The following NEDD4L variants were observed in gnomAD, a reference collection of about 807,000 sequenced individuals.
The protein encoded by NEDD4L is NEDD4 like E3 ubiquitin protein ligase.
NEDD4L carries 54 observed loss-of-function variants against 148.9 expected under a neutral mutation model. The ratio of observed to expected loss-of-function variants is 0.36; its 90% CI spans 0.29 to 0.45. NEDD4L has a LOEUF of 0.45. Ranked by LOEUF, NEDD4L falls within the 20% of genes least tolerant of loss-of-function variation. The pLI is 1.00. For synonymous variants in NEDD4L, 433 were observed against 440.7 expected, an observed-to-expected ratio of 0.98 and a Z score of 0.22; for missense variants, 856 against 1,233.8, an observed-to-expected ratio of 0.69 and a Z score of 4.59.
At chr18:58,231,237 C>CAAAAAAAAAAA (rs67220469) in intron 2 of NEDD4L, among the ~76,000 whole-genome samples, 4 of 90,162 alleles carry the variant, frequency 4.4e-5, no homozygotes, top group South Asian at 3.6e-4. Context: ...GACCCTATCT[C>CAAAAAAAAAAA]AAAAAAAAAA....
chr18:58,197,931 G>A (rs1474005529), intron 2 of NEDD4L: 5 of 152,176 alleles, frequency 3.3e-5, no homozygotes, highest in Admixed American at 3.3e-4. Flanking sequence ...TCCAGTGGGT[G>A]GGGGTGGGGG....
intron 2 of NEDD4L, among the ~76,000 whole-genome samples, chr18:58,185,944 C>T (rs1243234415): frequency 6.6e-6 from 1 of 151,982 alleles, no homozygotes; most frequent in Non-Finnish European, 1.5e-5. Context: ...TTAGACCCAG[C>T]ACTCCCAGTT....
intron 1 of NEDD4L, among the ~76,000 whole-genome samples, chr18:58,119,631 T>G (rs1317762917): frequency 6.6e-6 from 1 of 152,240 alleles, no homozygotes; most frequent in Non-Finnish European, 1.5e-5. Flanking sequence ...AACAAGTGGA[T>G]TCAGCCAGCT....
intron 2 of NEDD4L, among the ~76,000 whole-genome samples, chr18:58,234,632 G>T (rs1187303879): frequency 2.6e-5 from 4 of 152,166 alleles, no homozygotes; most frequent in African/African-American, 9.7e-5. Flanking sequence ...ACTGTGCCTG[G>T]TGACCTCATT....
At chr18:58,276,706 T>A (rs1006148356) in intron 5 of NEDD4L, among the ~76,000 whole-genome samples, 2 of 86,518 alleles carry the variant, frequency 2.3e-5, no homozygotes, top group African/African-American at 7.1e-5. Context: ...ATTATTATTA[T>A]TATTATTAAT....
intron 1 of NEDD4L, among the ~76,000 whole-genome samples, chr18:58,109,572 G>GTTTTTT (rs869167759): frequency 1.7e-5 from 2 of 117,644 alleles, no homozygotes; most frequent in African/African-American, 3.3e-5. Flanking sequence ...TTTTTTTTTT[G>GTTTTTT]TTTTTTTTTT....
At chr18:58,387,322 G>C (rs1205021309) in intron 26 of NEDD4L, 117 bp from the exon 27 acceptor site, 3 of 1,154,710 alleles carry the variant, frequency 2.6e-6, no homozygotes, top group Non-Finnish European at 3.5e-6. Flanking sequence ...ACTGACATAG[G>C]AATCATCAGG....
In NEDD4L at chr18:58,387,091, C is replaced by T. The variant is rs576703271; in HGVS notation, c.2488-348C>T. Among the ~76,000 whole-genome samples, 13 of 152,296 alleles carry T rather than the reference C, an allele frequency of 8.5e-5. No individual in the cohort carries two copies. The South Asian group carries it at 2.1e-3, about 24-fold the overall frequency. On this transcript the variant is annotated intron_variant, in intron 26 of 30. Coordinates refer to ENST00000400345, the MANE Select transcript of NEDD4L (RefSeq NM_001144967.3). ...CTGCCTCCAGCACGTTATTTTTAAG[C>T]GTGTCTCTTACACATCTGTAGCCTG...
intron 19 of NEDD4L, among the ~76,000 whole-genome samples, chr18:58,362,739 G>A (rs1487528643): frequency 6.6e-6 from 1 of 152,198 alleles, no homozygotes; most frequent in African/African-American, 2.4e-5. Context: ...AAGAAGTATC[G>A]GTTGAATGGA....
chr18:58,390,664 G>T lies in NEDD4L; in HGVS notation c.2674G>T (p.Ala892Ser). 6.3e-7 allele frequency: 1 copy of T among 1,589,214 alleles called. No homozygotes were observed. The highest frequency in any genetic ancestry group is 8.6e-7 in the Non-Finnish European group (1 of 1,166,402). Residue 892 changes from alanine to serine, a missense_variant, in exon 29 of 31, where the codon GCC (alanine) becomes TCC (serine). Coordinates refer to ENST00000400345, the MANE Select transcript of NEDD4L (RefSeq NM_001144967.3). Reference sequence around the variant, plus strand: ...TTCATAGGCTGTGCTACTCATGGACGCCGAAAAGCGTATCCGGTTACTGCA... The same window carrying T: ...TTCATAGGCTGTGCTACTCATGGACTCCGAAAAGCGTATCCGGTTACTGCA... The part of the protein sequence containing the change: ...WFWKAVLLMD[A>S]EKRIRLLQFV...
At chr18:58,100,126 C>T (rs507008) in intron 1 of NEDD4L, among the ~76,000 whole-genome samples, 33,061 of 151,990 alleles carry the variant, frequency 0.22, 6,994 homozygotes, top group African/African-American at 0.55. Context: ...GTAAAGGAAG[C>T]ACAGGACCTG....
rs557596107 is a variant in NEDD4L at position 58,243,834 on chromosome 18, T to TA, written c.123-1583dup. ...AACTAATACCTTCCAAACCATAATG[T>TA]AAAAAAAAAATAAAAAATATTTACT... On this transcript the variant is annotated intron_variant, in intron 2 of 30. Transcript: ENST00000400345. Among the ~76,000 whole-genome samples, 1,101 of 148,916 alleles carry TA rather than the reference T, an allele frequency of 7.4e-3. 3 individuals are homozygous for TA. Among genetic ancestry groups the TA allele is most frequent in the African/African-American group, 0.02 (816 of 40,530 alleles).
At position 58,081,747 on chromosome 18, in the gene NEDD4L, C is replaced by T. The variant is rs538218493; in HGVS notation, c.48+37039C>T. On this transcript the variant is annotated intron_variant, in intron 1 of 30. Coordinates refer to ENST00000400345, the MANE Select transcript of NEDD4L (RefSeq NM_001144967.3). ...ACAGGCTGAACCCTTGTCCCTGCTT[C>T]GGAGCACTTACCTTAATTATTATAG... Among the ~76,000 whole-genome samples the T allele has an allele frequency of 1.4e-4, 21 of 152,152 alleles. No individual in the cohort carries two copies. In the South Asian group the frequency reaches 4.4e-3, roughly 32 times the overall value.
intron 2 of NEDD4L, chr18:58,195,761 T>G (rs2040614982): frequency 7.7e-7 from 1 of 1,302,352 alleles, no homozygotes; most frequent in African/African-American, 1.5e-5. Flanking sequence ...TTCCGTTCCC[T>G]TTATTACTCG....
intron 1 of NEDD4L, among the ~76,000 whole-genome samples, chr18:58,145,088 A>G (rs1393830576): frequency 6.6e-6 from 1 of 151,824 alleles, no homozygotes; most frequent in East Asian, 1.9e-4. Flanking sequence ...TGCTGATACT[A>G]CCTCTGCAGT....
intron 23 of NEDD4L, 122 bp from the exon 24 acceptor site, chr18:58,373,052 C>A: frequency 1.5e-6 from 1 of 645,400 alleles, no homozygotes; most frequent in South Asian, 1.8e-5. Flanking sequence ...GGAAACATTG[C>A]ATTAGTAACA....
intron 2 of NEDD4L, among the ~76,000 whole-genome samples, chr18:58,191,662 C>T (rs1026698103): frequency 1.3e-5 from 2 of 152,210 alleles, no homozygotes; most frequent in East Asian, 3.8e-4. Context: ...AGCATATATA[C>T]TCCTGCCACC....
At chr18:58,092,866 G>GTT (rs35422628) in intron 1 of NEDD4L, among the ~76,000 whole-genome samples, 60 of 123,548 alleles carry the variant, frequency 4.9e-4, no homozygotes, top group Admixed American at 1.4e-3. Flanking sequence ...TTTTTTTTTT[G>GTT]TTTTTTTTTT....
At chr18:58,321,644 G>T (rs929836619) in intron 6 of NEDD4L, among the ~76,000 whole-genome samples, 1 of 152,184 alleles carries the variant, frequency 6.6e-6, no homozygotes, top group Non-Finnish European at 1.5e-5. Context: ...GCATGCACGC[G>T]CACACAAACC....
Sources: allele counts gnomAD v4.1 joint callset (sites outside exome capture counted in the v4.1 genomes callset), GRCh38; gene constraint gnomAD v4.1.1; transcripts MANE v1.5; gene names NCBI Gene and HGNC (gene_info 2026-07-23, HGNC 2026-07-21).